The following CDH26 variants were observed in gnomAD, a reference collection of about 807,000 sequenced individuals.
CDH26 encodes the protein cadherin-like protein 26.
In CDH26, 83 loss-of-function variants were observed where a neutral mutation model predicts 90.3. The ratio of observed to expected loss-of-function variants is 0.92; its 90% CI spans 0.77 to 1.10. CDH26 has a LOEUF of 1.10. Ranked by LOEUF, CDH26 falls within the 50% of genes least tolerant of loss-of-function variation. CDH26 has a pLI of 0.00. For synonymous variants in CDH26, 397 were observed against 396.3 expected, an observed-to-expected ratio of 1.00 and a Z score of -0.02; for missense variants, 1,013 against 1,037.6, an observed-to-expected ratio of 0.98 and a Z score of 0.33.
downstream of CDH26, among the ~76,000 whole-genome samples, chr20:60,018,274 C>T (rs2061922131): frequency 6.6e-6 from 1 of 151,980 alleles, no homozygotes; most frequent in African/African-American, 2.4e-5. Context: ...CTTTATAGAT[C>T]TAGTGGTTCA....
chr20:59,983,016 C>A lies in CDH26; in HGVS notation c.487C>A (p.Pro163Thr), dbSNP rs1193352976. 1.2e-6 allele frequency: 2 copies of A among 1,613,972 alleles called. No homozygotes were observed. The highest frequency in any genetic ancestry group is 1.7e-6 in the Non-Finnish European group (2 of 1,179,960). Residue 163 changes from proline (P) to threonine (T), a missense_variant, in exon 5 of 18, where the codon CCC (proline) becomes ACC (threonine). Coordinates refer to ENST00000348616, the MANE Select transcript of CDH26 (RefSeq NM_177980.4). ...IRISDVNDHA[P>T]QFPEKEFNIT... ...GATCAGTGATGTGAATGATCATGCA[C>A]CCCAGTTTCCAGAGAAGGAATTTAA...
At chr20:59,983,388 T>C (rs1468331666) in intron 5 of CDH26, among the ~76,000 whole-genome samples, 2 of 152,218 alleles carry the variant, frequency 1.3e-5, no homozygotes, top group Non-Finnish European at 2.9e-5. Context: ...ATTTTTTGTC[T>C]GTAAAATGGC....
intron 5 of CDH26, 104 bp from the exon 6 acceptor site, chr20:59,984,535 A>G (rs1311615706): frequency 6.3e-6 from 5 of 794,626 alleles, no homozygotes; most frequent in Non-Finnish European, 1.0e-5. Flanking sequence ...CATTCCACTC[A>G]TTTTGGTATA....
chr20:60,035,693 G>C (rs1601240079), downstream of CDH26, among the ~76,000 whole-genome samples: 1 of 152,132 alleles, frequency 6.6e-6, no homozygotes, highest in Non-Finnish European at 1.5e-5. Flanking sequence ...TGTTGAGGGA[G>C]GGAGGTGATT....
At position 60,023,309 on chromosome 20, in the gene CDH26, G is replaced by A. The variant is rs145511589; in HGVS notation, c.948-7922G>A. Among the ~76,000 whole-genome samples, 9 of 152,306 alleles carry A rather than the reference G, an allele frequency of 5.9e-5. No individual in the cohort carries two copies. The East Asian group carries it at 1.7e-3, about 29-fold the overall frequency. Reference sequence around the variant, plus strand: ...TCTTTTGGATTTTCTGTCATTCATGGCCAGGTCTAATCTTAACTGATACAA... The same window carrying A: ...TCTTTTGGATTTTCTGTCATTCATGACCAGGTCTAATCTTAACTGATACAA... On this transcript the variant is annotated intron_variant, in intron 7 of 8. Coordinates refer to the CDH26 transcript ENST00000370991.
chr20:60,006,840 C>T, intron 17 of CDH26, 53 bp downstream of exon 17: 7 of 1,361,308 alleles, frequency 5.1e-6, no homozygotes, highest in South Asian at 1.2e-5. Flanking sequence ...TGCATCCCCA[C>T]TGTGCTCCAG....
Position 59,958,724 on chromosome 20 carries a change from C to T in CDH26, c.-3C>T. On this transcript the variant is annotated 5_prime_UTR_variant, in exon 1 of 18. Coordinates refer to ENST00000348616, the MANE Select transcript of CDH26 (RefSeq NM_177980.4). ...GTTCTGGGTCTGTCTTGGGTATTCCCATATGGCCATGAGATCCGGGAGGCA... is the reference window on the plus strand; with the variant it reads ...GTTCTGGGTCTGTCTTGGGTATTCCTATATGGCCATGAGATCCGGGAGGCA... 2 of 1,614,186 alleles carry T rather than the reference C, an allele frequency of 1.2e-6. No individual in the cohort carries two copies. The highest frequency in any genetic ancestry group is 1.7e-6 in the Non-Finnish European group (2 of 1,180,010).
At chr20:59,978,078 GC>G (rs1257714249) in intron 4 of CDH26, among the ~76,000 whole-genome samples, 1 of 152,110 alleles carries the variant, frequency 6.6e-6, no homozygotes, top group Non-Finnish European at 1.5e-5. Context: ...GTTCCTCCAT[GC>G]CTTTTTTTCA....
chr20:60,029,325 T>G (rs947628225), intron 7 of CDH26, among the ~76,000 whole-genome samples: 9 of 151,954 alleles, frequency 5.9e-5, no homozygotes, highest in African/African-American at 1.9e-4. Flanking sequence ...GTCAACAACA[T>G]AGCACCTATA....
chr20:60,023,375 A>G (rs2146032071), intron 7 of CDH26, among the ~76,000 whole-genome samples: 1 of 152,340 alleles, frequency 6.6e-6, no homozygotes, highest in Non-Finnish European at 1.5e-5. Flanking sequence ...AGCAGAACCG[A>G]AGCACGTGGC....
chr20:59,982,834 C>A, intron 4 of CDH26, 89 bp from the exon 5 acceptor site: 4 of 1,454,602 alleles, frequency 2.7e-6, no homozygotes, highest in Non-Finnish European at 3.8e-6. Flanking sequence ...AGGAGACAGA[C>A]GTAACACATA....
At chr20:60,011,672 C>T (rs1276121793) in intron 17 of CDH26, among the ~76,000 whole-genome samples, 1 of 152,180 alleles carries the variant, frequency 6.6e-6, no homozygotes, top group Non-Finnish European at 1.5e-5. Flanking sequence ...TTTACAACAA[C>T]AGGTGGTGTG....
intron 8 of CDH26, 111 bp from the exon 9 acceptor site, chr20:59,988,793 A>T (rs955063707): frequency 8.9e-7 from 1 of 1,127,666 alleles, no homozygotes; most frequent in African/African-American, 1.6e-5. Flanking sequence ...GTAAATAATA[A>T]ATGAAGTGCA....
chr20:59,967,876 TCTTCCTTCCTTC>T (rs1315479146), intron 1 of CDH26, among the ~76,000 whole-genome samples: 59 of 54,640 alleles, frequency 1.1e-3, no homozygotes, highest in African/African-American at 5.5e-3. Flanking sequence ...TTTCTTTCTT[TCTTCCTTCCTTC>T]CTTCCTTCCT....
At chr20:60,015,438 A>T (rs1209777195), downstream of CDH26, among the ~76,000 whole-genome samples, 1 of 152,228 alleles carries the variant, frequency 6.6e-6, no homozygotes, top group East Asian at 1.9e-4. Context: ...TTTGAGAAAC[A>T]TCTGTTCAGA....
intron 7 of CDH26, among the ~76,000 whole-genome samples, chr20:60,024,602 G>A (rs918300645): frequency 3.9e-5 from 6 of 152,174 alleles, no homozygotes; most frequent in African/African-American, 1.4e-4. Context: ...CAGATCTAGA[G>A]TCAGATGCAG....
chr20:60,008,380 A>C (rs2061782744), intron 17 of CDH26, among the ~76,000 whole-genome samples: 1 of 152,160 alleles, frequency 6.6e-6, no homozygotes, highest in Non-Finnish European at 1.5e-5. Flanking sequence ...TAATGTGTCC[A>C]AGGTCACAGC....
intron 7 of CDH26, among the ~76,000 whole-genome samples, chr20:60,023,552 G>T (rs113728477): frequency 0.01 from 1,540 of 151,316 alleles, 20 homozygotes; most frequent in African/African-American, 0.036. Context: ...AATGGCAGGA[G>T]AAATTTATAA....
At chr20:59,998,497 T>C (rs2061630653) in intron 13 of CDH26, among the ~76,000 whole-genome samples, 1 of 152,170 alleles carries the variant, frequency 6.6e-6, no homozygotes, top group Non-Finnish European at 1.5e-5. Context: ...CTTAATGACA[T>C]GGTGGCACTG....
Sources: gnomAD v4.1 joint callset for allele counts (sites outside exome capture counted in the v4.1 genomes callset) on GRCh38, gnomAD v4.1.1 for gene constraint, MANE v1.5 for transcripts, NCBI Gene and HGNC (gene_info 2026-07-23, HGNC 2026-07-21) for gene names.